POM121: variants seen among roughly 807,000 people sequenced by gnomAD.
The protein encoded by POM121 is POM121 transmembrane nucleoporin.
POM121 carries 32 observed loss-of-function variants against 81.3 expected under a neutral mutation model. The observed-to-expected ratio is 0.39, with a 90% CI of 0.30 to 0.53. The LOEUF (loss-of-function observed/expected upper bound fraction) is 0.53, where lower values mean the gene tolerates loss of function less well. Ranked by LOEUF, POM121 falls within the 20% of genes least tolerant of loss-of-function variation. POM121 has a pLI of 0.66. For missense variants in POM121, 1,138 were observed against 1,614.6 expected, an observed-to-expected ratio of 0.70 and a Z score of 5.06; for synonymous variants, 514 against 694.2, an observed-to-expected ratio of 0.74 and a Z score of 4.08.
chr7:72,902,636 C>T (rs140530372), intron 3 of POM121, among the ~76,000 whole-genome samples: 1,538 of 152,212 alleles, frequency 0.01, 17 homozygotes, highest in African/African-American at 0.035. Flanking sequence ...TCAGGCAATT[C>T]TCCCACCTCA....
Position 72,933,089 on chromosome 7 carries a change from C to T in POM121, c.1275+2978C>T, listed in dbSNP as rs555218865. On this transcript the variant is annotated intron_variant, in intron 5 of 12. Transcript: ENST00000434423. ...AAAGCCAGCCGAGCTTGGTGGCTTA[C>T]ACCTGTAATCCCAGCACTTTGGGAG... 4.6e-4 allele frequency among the ~76,000 whole-genome samples: 68 copies of T among 148,274 alleles called. 1 individual carries two copies. The highest frequency in any genetic ancestry group is 3.3e-3 in the Admixed American group (49 of 14,856).
Position 72,925,579 on chromosome 7 carries a change from CGGA to C in POM121, c.461_463del (p.Glu154del), listed in dbSNP as rs1554497091. 6 of 1,531,250 alleles carry C rather than the reference CGGA, an allele frequency of 3.9e-6. No homozygotes were observed. Among genetic ancestry groups the C allele is most frequent in the Non-Finnish European group, 5.2e-6 (6 of 1,145,658 alleles). 94.9% of individuals were successfully genotyped at this position (1,531,250 alleles called of 1,614,324 possible). On this transcript the variant is annotated inframe_deletion, in exon 1 of 13. Coordinates refer to ENST00000434423, the MANE Select transcript of POM121 (RefSeq NM_001387691.1). Reference sequence around the variant, plus strand: ...GGGCCGCCGCAGCCCGCCGCCGCTCCGGAGGGCCAGGACCTGCGGGATAGGCCT... The same window carrying C: ...GGGCCGCCGCAGCCCGCCGCCGCTCCGGGCCAGGACCTGCGGGATAGGCCT...
At chr7:72,949,037 G>A (rs781876228), downstream of POM121, 12 of 1,613,286 alleles carry the variant, frequency 7.4e-6, no homozygotes, top group South Asian at 1.3e-4. Flanking sequence ...AACCCTGCCA[G>A]GGCATGCAGA....
At chr7:72,938,871 T>C (rs1230946301) in intron 6 of POM121, among the ~76,000 whole-genome samples, 190 bp downstream of exon 6, 1 of 152,216 alleles carries the variant, frequency 6.6e-6, no homozygotes, top group Non-Finnish European at 1.5e-5. Flanking sequence ...GGATACTGAC[T>C]CCAGTGGCCT....
At chr7:72,897,108 T>G (rs1266973077) in intron 3 of POM121, among the ~76,000 whole-genome samples, 6 of 151,978 alleles carry the variant, frequency 3.9e-5, no homozygotes, top group Non-Finnish European at 8.8e-5. Flanking sequence ...GCCGAGATCG[T>G]GCCACTGTAC....
chr7:72,928,227 C>T (rs1161073185), intron 3 of POM121, among the ~76,000 whole-genome samples, 158 bp from the exon 4 acceptor site: 1 of 152,136 alleles, frequency 6.6e-6, no homozygotes. Flanking sequence ...AAAAAATTTA[C>T]CTTTCAGAAG....
At chr7:72,889,278 G>A (rs534065622) in intron 1 of POM121, among the ~76,000 whole-genome samples, 14 of 152,210 alleles carry the variant, frequency 9.2e-5, no homozygotes, top group African/African-American at 1.2e-4. Flanking sequence ...CCAGCCTAGC[G>A]GCTCTGCCTC....
In POM121 at chr7:72,947,956, G is replaced by A. The variant is rs542497103; in HGVS notation, c.*1722G>A. On this transcript the variant is annotated 3_prime_UTR_variant, in exon 13 of 13. Coordinates refer to ENST00000434423, the MANE Select transcript of POM121 (RefSeq NM_001387691.1). Reference sequence around the variant, plus strand: ...CCTGGCTGCGTGTGCAGCTGAGGAGGGAGTGAACCTCAAGCCTAAATACCT... The same window carrying A: ...CCTGGCTGCGTGTGCAGCTGAGGAGAGAGTGAACCTCAAGCCTAAATACCT... The A allele has an allele frequency of 1.8e-4, 193 of 1,056,394 alleles. 3 individuals are homozygous for A. In the Admixed American group the frequency reaches 6.0e-3, roughly 33 times the overall value. 65.4% of individuals were successfully genotyped at this position (1,056,394 alleles called of 1,614,324 possible).
intron 3 of POM121, among the ~76,000 whole-genome samples, chr7:72,894,509 C>T (rs1586078603): frequency 6.7e-6 from 1 of 149,602 alleles, no homozygotes; most frequent in East Asian, 2.0e-4. Flanking sequence ...ACCTGGGAGG[C>T]GGAGGTTGCA....
chr7:72,901,535 A>G (rs1281741130), intron 3 of POM121, among the ~76,000 whole-genome samples: 2 of 151,748 alleles, frequency 1.3e-5, no homozygotes, highest in African/African-American at 2.4e-5. Flanking sequence ...TTGTCTTTTC[A>G]GTAGAGACGG....
chr7:72,943,425 A>G lies in POM121; in HGVS notation c.3432A>G (p.Ala1144=), dbSNP rs782458738. Residue 1144 remains alanine, a synonymous_variant, in exon 11 of 13, where the codon GCA becomes GCG. Coordinates refer to ENST00000434423, the MANE Select transcript of POM121 (RefSeq NM_001387691.1). ...GCACAGCCACCTCCACCCCCTTCGC[A>G]GGGGGCTTAGGTCAGAACGCCCTGG... ...SGSTATSTPF[A]GGLGQNALGT... is the part of the protein sequence containing the mutation. 4 of 1,612,832 alleles carry G rather than the reference A, an allele frequency of 2.5e-6. No individual in the cohort carries two copies. Among genetic ancestry groups the G allele is most frequent in the Non-Finnish European group, 3.4e-6 (4 of 1,179,618 alleles).
At chr7:72,917,085 G>A (rs758082929) in intron 4 of POM121, among the ~76,000 whole-genome samples, 1 of 152,182 alleles carries the variant, frequency 6.6e-6, no homozygotes, top group Non-Finnish European at 1.5e-5. Flanking sequence ...TGTTTGCTAT[G>A]TGTCTGTGAG....
rs1171023128 is a variant in POM121 at position 72,926,975 on chromosome 7, A to G, written c.1022+12A>G. 1.2e-6 allele frequency: 2 copies of G among 1,614,020 alleles called. No homozygotes were observed. The highest frequency in any genetic ancestry group is 2.7e-5 in the African/African-American group (2 of 75,060). ...GAAAATAAAAGAAGGTAACAGGCTC[A>G]GGAGAGTACTAAGCCGGTTTCGCGC... On this transcript the variant is annotated intron_variant, in intron 3 of 12. Transcript: ENST00000434423.
At chr7:72,884,156 C>T (rs1790443236) in intron 1 of POM121, among the ~76,000 whole-genome samples, 1 of 152,164 alleles carries the variant, frequency 6.6e-6, no homozygotes, top group Admixed American at 6.5e-5. Flanking sequence ...CTTCTTTGAC[C>T]TCCCAGTGTT....
At chr7:72,944,256 T>C (rs1444848142) in intron 11 of POM121, among the ~76,000 whole-genome samples, 1 of 151,742 alleles carries the variant, frequency 6.6e-6, no homozygotes, top group African/African-American at 2.4e-5. Flanking sequence ...GTTGGGTGTT[T>C]GGGTCTTAAG....
At chr7:72,925,073 C>T, upstream of POM121, 4 of 1,359,304 alleles carry the variant, frequency 2.9e-6, no homozygotes, top group Non-Finnish European at 3.8e-6. Flanking sequence ...CGACGCGCGG[C>T]GCGGTGCACG....
chr7:72,925,191 C>G lies in POM121; in HGVS notation c.70C>G (p.Arg24Gly), dbSNP rs1438318874. The change falls in exon 1 of 13, where the codon CGG (arginine) becomes GGG (glycine). Residue 24 changes from arginine to glycine, a missense_variant. Physicochemically the swap from Arg to Gly is moderately radical, Grantham distance 125 (BLOSUM62 -2). This residue lies in a region of POM121 where 646 missense variants were observed against 633.5 expected (regional missense o/e 1.02). Transcript: ENST00000434423. ...RRPIASVRDG[R>G]GRGCGGPARA... is the part of the protein sequence containing the mutation. Reference sequence around the variant, plus strand: ...GCCCATAGCGAGTGTCAGGGACGGCCGGGGCCGGGGCTGCGGCGGGCCGGC... The same window carrying G: ...GCCCATAGCGAGTGTCAGGGACGGCGGGGGCCGGGGCTGCGGCGGGCCGGC... The G allele has an allele frequency of 2.0e-6, 3 of 1,501,366 alleles. No individual in the cohort carries two copies. Among genetic ancestry groups the G allele is most frequent in the South Asian group, 2.4e-5 (2 of 81,870 alleles). The allele number at this position is 1,501,366 out of a possible 1,614,324, so 93.0% of individuals were successfully genotyped here. A position where few individuals can be genotyped will look rare whatever the true frequency, so the allele number is the denominator to read the frequency against.
In POM121 at chr7:72,926,260, A is replaced by C. The variant is rs1364773343; in HGVS notation, c.645-2A>C. ...CCGTGATTTGTCTCGCATTCTCTGC[A>C]GGGATTGTGGGACTTTACCAAATCG... On this transcript the variant is annotated splice_acceptor_variant, in intron 1 of 12. Coordinates refer to ENST00000434423, the MANE Select transcript of POM121 (RefSeq NM_001387691.1). LOFTEE classifies it high-confidence loss of function. The C allele has an allele frequency of 6.4e-7, 1 of 1,554,792 alleles. No homozygotes were observed. Among genetic ancestry groups the C allele is most frequent in the Admixed American group, 2.0e-5 (1 of 51,156 alleles).
chr7:72,945,245 G>A (rs1554502852), intron 11 of POM121, among the ~76,000 whole-genome samples: 1 of 152,152 alleles, frequency 6.6e-6, no homozygotes, highest in African/African-American at 2.4e-5. Context: ...GAAAAGGCCT[G>A]AACAGAGGAG....
Sources: gnomAD v4.1 joint callset for allele counts (sites outside exome capture counted in the v4.1 genomes callset) on GRCh38, gnomAD v4.1.1 for gene constraint, gnomAD v4.1.1 regional missense constraint, MANE v1.5 for transcripts, NCBI Gene and HGNC (gene_info 2026-07-23, HGNC 2026-07-21) for gene names.